The following PHIP variants were observed in gnomAD, a reference collection of about 807,000 sequenced individuals.
The protein encoded by PHIP is PHIP subunit of CUL4-Ring ligase complex, also known as PH-interacting protein.
A neutral mutation model predicts 236.8 loss-of-function variants in PHIP; 54 were observed. That is an observed-to-expected ratio of 0.23 (90% CI 0.18 to 0.29). The LOEUF (loss-of-function observed/expected upper bound fraction) is 0.29. Ranked by LOEUF, PHIP falls within the 10% of genes least tolerant of loss-of-function variation. The pLI, the probability that PHIP is intolerant of heterozygous loss-of-function variation, is 1.00. For missense variants in PHIP, 1,370 were observed against 2,190.8 expected (o/e 0.63, Z 7.48); for synonymous variants, 756 against 718.9 (o/e 1.05, Z -0.83).
intron 24 of PHIP, among the ~76,000 whole-genome samples, chr6:78,973,025 A>G (rs1371275117): frequency 7.9e-5 from 12 of 152,184 alleles, no homozygotes; most frequent in Admixed American, 7.9e-4. Context: ...AAATACAGAG[A>G]ACGCCATAAA....
chr6:78,980,505 T>C (rs1306567506), intron 23 of PHIP, among the ~76,000 whole-genome samples: 1 of 152,086 alleles, frequency 6.6e-6, no homozygotes, highest in African/African-American at 2.4e-5. Flanking sequence ...CCAGGGTTTC[T>C]GGTATAAACA....
In PHIP at chr6:79,075,342, G is replaced by A. The variant is rs538989853; in HGVS notation, c.189+2106C>T. Among the ~76,000 whole-genome samples, 9 of 152,238 alleles carry A rather than the reference G, an allele frequency of 5.9e-5. No individual in the cohort carries two copies. The South Asian group carries it at 1.7e-3, about 28-fold the overall frequency. On this transcript the variant is annotated intron_variant, in intron 4 of 39. Coordinates refer to ENST00000275034, the MANE Select transcript of PHIP (RefSeq NM_017934.7). ...AGAGTAAGCAATATGCTGAATGAAT[G>A]AAAAGAGAAAACGAGTCAAAGAACT...
At position 78,939,514 on chromosome 6, in the gene PHIP, T is replaced by G. The variant is rs1481888430; in HGVS notation, c.*1179A>C. ...TATAAAGTATGACATTTTAAAATTA[T>G]TTTTATTCTACTGCTATCTAAAAAA... On this transcript the variant is annotated 3_prime_UTR_variant, in exon 40 of 40. Coordinates refer to ENST00000275034, the MANE Select transcript of PHIP (RefSeq NM_017934.7). The G allele has an allele frequency of 6.6e-6, 1 of 151,908 alleles. No homozygotes were observed. Among genetic ancestry groups the G allele is most frequent in the African/African-American group, 2.4e-5 (1 of 41,428 alleles). 9.4% of individuals were successfully genotyped at this position (151,908 alleles called of 1,614,324 possible). A position where few individuals can be genotyped will look rare whatever the true frequency, so the allele number is the denominator to read the frequency against.
intron 39 of PHIP, among the ~76,000 whole-genome samples, chr6:78,941,742 C>A (rs1773512355): frequency 6.6e-6 from 1 of 152,132 alleles, no homozygotes; most frequent in Admixed American, 6.5e-5. Context: ...AAAGTCCTAT[C>A]TCCTTGTGTA....
intron 6 of PHIP, among the ~76,000 whole-genome samples, chr6:79,049,845 G>C (rs1043795626): frequency 6.6e-6 from 1 of 152,116 alleles, no homozygotes. Context: ...TATGGTGTTG[G>C]TGATTTCAGA....
chr6:79,038,377 C>A (rs1215736217), intron 7 of PHIP, among the ~76,000 whole-genome samples: 5 of 152,198 alleles, frequency 3.3e-5, no homozygotes, highest in Admixed American at 2.0e-4. Context: ...TTCACAAGGG[C>A]TCCATTCTTG....
intron 7 of PHIP, among the ~76,000 whole-genome samples, chr6:79,028,286 C>T (rs149319994): frequency 4.0e-4 from 61 of 152,214 alleles, no homozygotes; most frequent in Non-Finnish European, 6.6e-4. Context: ...CAGGATCATA[C>T]TTGTGTTTTC....
intron 19 of PHIP, among the ~76,000 whole-genome samples, chr6:78,996,725 A>C (rs970219521): frequency 2.0e-5 from 3 of 152,198 alleles, no homozygotes; most frequent in Admixed American, 6.5e-5. Context: ...TAATTATGTA[A>C]TTACTATCTT....
At chr6:79,059,082 AG>A (rs1281920064) in intron 6 of PHIP, among the ~76,000 whole-genome samples, 1 of 152,150 alleles carries the variant, frequency 6.6e-6, no homozygotes, top group Non-Finnish European at 1.5e-5. Context: ...AAAAAATCAT[AG>A]ATGATTACCC....
At chr6:79,060,899 C>CA in intron 4 of PHIP, 81 bp from the exon 5 acceptor site, 1 of 914,558 alleles carries the variant, frequency 1.1e-6, no homozygotes. Context: ...TAAAAAAATT[C>CA]ATCCAAGTAT....
chr6:79,003,768 A>G lies in PHIP; in HGVS notation c.1615T>C (p.Leu539=). The change falls in exon 16 of 40, where the codon TTA becomes CTA. Residue 539 remains leucine, a synonymous_variant. Coordinates refer to ENST00000275034, the MANE Select transcript of PHIP (RefSeq NM_017934.7). The part of the protein sequence containing the change: ...FACTDSHGHL[L]IFGFGSSSKY... ...CTACTGGACCCAAAGCCAAAAATTA[A>G]AAGATGTCCATGAGAGTCTGTGCAT... The G allele has an allele frequency of 6.2e-7, 1 of 1,609,694 alleles. No homozygotes were observed. The highest frequency in any genetic ancestry group is 8.5e-7 in the Non-Finnish European group (1 of 1,177,910).
At chr6:78,992,798 A>G (rs1034235457) in intron 19 of PHIP, among the ~76,000 whole-genome samples, 12 of 152,134 alleles carry the variant, frequency 7.9e-5, no homozygotes, top group African/African-American at 2.9e-4. Context: ...AGGCCTCACT[A>G]TTCCCTGAGA....
At chr6:79,032,089 T>C (rs1321136024) in intron 7 of PHIP, among the ~76,000 whole-genome samples, 1 of 152,226 alleles carries the variant, frequency 6.6e-6, no homozygotes, top group Non-Finnish European at 1.5e-5. Context: ...AAGTGTGCAA[T>C]AGTATTATGT....
intron 6 of PHIP, among the ~76,000 whole-genome samples, chr6:79,052,626 G>A (rs1439558327): frequency 6.6e-6 from 1 of 152,034 alleles, no homozygotes; most frequent in Non-Finnish European, 1.5e-5. Flanking sequence ...AGCTAACTTT[G>A]CAAAAAAATC....
chr6:78,957,764 T>C (rs953290096), intron 32 of PHIP: 1 of 151,944 alleles, frequency 6.6e-6, no homozygotes, highest in Non-Finnish European at 1.5e-5. Context: ...TTCTCTGCCT[T>C]CAACTTAGGA....
chr6:79,077,589 C>A lies in PHIP; in HGVS notation c.130-82G>T, dbSNP rs1386967925. Reference sequence around the variant, plus strand: ...CTCCCCCGCCCGCCCCGCGCCCCGGCGGGGACCCCGAGCCCCGCGCCCCGC... The same window carrying A: ...CTCCCCCGCCCGCCCCGCGCCCCGGAGGGGACCCCGAGCCCCGCGCCCCGC... On this transcript the variant is annotated intron_variant, in intron 3 of 39. Transcript: ENST00000275034. 1.5e-5 allele frequency: 14 copies of A among 909,270 alleles called. No individual in the cohort carries two copies. The East Asian group carries it at 7.3e-4, about 47-fold the overall frequency. The allele number at this position is 909,270 out of a possible 1,614,324, so 56.3% of individuals were successfully genotyped here.
intron 7 of PHIP, among the ~76,000 whole-genome samples, chr6:79,027,733 TGA>T (rs1771478958): frequency 6.6e-6 from 1 of 152,180 alleles, no homozygotes; most frequent in Non-Finnish European, 1.5e-5. Context: ...CTACTTTTTC[TGA>T]GAGATGCAGA....
chr6:79,020,675 G>C (rs540809313), intron 9 of PHIP, among the ~76,000 whole-genome samples: 1 of 152,302 alleles, frequency 6.6e-6, no homozygotes, highest in South Asian at 2.1e-4. Context: ...AAGGAAATCA[G>C]TATATTGAAG....
At chr6:78,943,445 AG>A (rs1773612976) in intron 39 of PHIP, among the ~76,000 whole-genome samples, 1 of 152,212 alleles carries the variant, frequency 6.6e-6, no homozygotes, top group Non-Finnish European at 1.5e-5. Context: ...AAAAGAAGCA[AG>A]GCCAATATAC....
Sources: allele counts gnomAD v4.1 joint callset (sites outside exome capture counted in the v4.1 genomes callset), GRCh38; gene constraint gnomAD v4.1.1; transcripts MANE v1.5; gene names NCBI Gene and HGNC (gene_info 2026-07-23, HGNC 2026-07-21).